CPQ: variants seen among roughly 807,000 people sequenced by gnomAD.
CPQ encodes the protein carboxypeptidase Q.
CPQ carries 37 observed loss-of-function variants against 45.7 expected under a neutral mutation model. That is an observed-to-expected ratio of 0.81 (90% confidence interval 0.62 to 1.07). The LOEUF (loss-of-function observed/expected upper bound fraction) is 1.07. Among genes scored for constraint, CPQ ranks in the 50% least tolerant of loss-of-function variants. The pLI is 0.00. For synonymous variants in CPQ, 186 were observed against 205.8 expected (o/e 0.90, Z 0.82); for missense variants, 537 against 572.9 (o/e 0.94, Z 0.64).
intron 4 of CPQ, among the ~76,000 whole-genome samples, chr8:96,905,931 T>A (rs1812570320): frequency 6.6e-6 from 1 of 152,152 alleles, no homozygotes; most frequent in Non-Finnish European, 1.5e-5. Context: ...TTACATTAAA[T>A]GTTATAAATG....
intron 3 of CPQ, among the ~76,000 whole-genome samples, chr8:96,839,218 C>G (rs930756295): frequency 1.3e-5 from 2 of 151,964 alleles, no homozygotes; most frequent in African/African-American, 4.8e-5. Flanking sequence ...ATATCATCAG[C>G]CATTTTGGGT....
chr8:96,745,921 CT>C (rs1357258079), intron 1 of CPQ, among the ~76,000 whole-genome samples: 5 of 152,136 alleles, frequency 3.3e-5, no homozygotes, highest in Non-Finnish European at 2.9e-5. Flanking sequence ...AGAACAGACG[CT>C]TGGATTAGAT....
chr8:96,829,635 CCT>C (rs1251048370), intron 2 of CPQ, among the ~76,000 whole-genome samples: 5 of 152,110 alleles, frequency 3.3e-5, no homozygotes, highest in Admixed American at 6.6e-5. Context: ...AATGTCCTTC[CCT>C]CATTTTCAGG....
intron 6 of CPQ, among the ~76,000 whole-genome samples, chr8:97,044,353 C>T (rs568847427): frequency 6.6e-6 from 1 of 152,186 alleles, no homozygotes; most frequent in South Asian, 2.1e-4. Flanking sequence ...TTAAGCACTT[C>T]TCTGTATTGG....
At chr8:97,116,563 T>C (rs555734001) in intron 7 of CPQ, among the ~76,000 whole-genome samples, 1 of 152,292 alleles carries the variant, frequency 6.6e-6, no homozygotes, top group Admixed American at 6.5e-5. Context: ...TAAGGCTGCT[T>C]AGTATGTTAG....
intron 2 of CPQ, among the ~76,000 whole-genome samples, chr8:96,797,451 A>G (rs1359902312): frequency 6.6e-6 from 1 of 152,210 alleles, no homozygotes; most frequent in Non-Finnish European, 1.5e-5. Flanking sequence ...GTTATATAGT[A>G]CAAGTAACAC....
At chr8:96,843,714 T>C (rs996412876) in intron 3 of CPQ, among the ~76,000 whole-genome samples, 5 of 152,218 alleles carry the variant, frequency 3.3e-5, no homozygotes, top group East Asian at 1.9e-4. Flanking sequence ...TTCTCTAACA[T>C]GTAAATTCAA....
At chr8:96,912,994 C>T (rs1030358174) in intron 4 of CPQ, among the ~76,000 whole-genome samples, 1 of 152,142 alleles carries the variant, frequency 6.6e-6, no homozygotes, top group African/African-American at 2.4e-5. Flanking sequence ...CTGTGTTATC[C>T]TCTTTCTCCT....
chr8:96,992,764 A>G (rs1809117222), intron 5 of CPQ, among the ~76,000 whole-genome samples: 1 of 152,182 alleles, frequency 6.6e-6, no homozygotes, highest in South Asian at 2.1e-4. Flanking sequence ...TCTGTTTTCC[A>G]TAAATTAACC....
intron 1 of CPQ, among the ~76,000 whole-genome samples, chr8:96,666,717 G>T (rs1243177981): frequency 6.6e-6 from 1 of 152,196 alleles, no homozygotes; most frequent in African/African-American, 2.4e-5. Flanking sequence ...AGAGGCTAAG[G>T]ATTTTTATTT....
At chr8:97,048,228 G>A (rs753310756) in intron 6 of CPQ, among the ~76,000 whole-genome samples, 3 of 152,152 alleles carry the variant, frequency 2.0e-5, no homozygotes, top group East Asian at 1.9e-4. Flanking sequence ...TAGAAGATTG[G>A]AGGAGCAATT....
intron 4 of CPQ, among the ~76,000 whole-genome samples, chr8:96,958,533 T>C (rs953895207): frequency 6.6e-6 from 1 of 152,188 alleles, no homozygotes; most frequent in Non-Finnish European, 1.5e-5. Flanking sequence ...TTTCCTTCCA[T>C]AGACATTCTC....
rs191401324 is a variant in CPQ, at chr8:96,745,265, A to T, written c.-34-39599A>T. On this transcript the variant is annotated intron_variant, in intron 1 of 7. Transcript: ENST00000220763. The stretch of plus-strand genomic sequence containing the variant: ...GGAGGTTGCCGTGAGCTGAGATCAC[A>T]CCATTGCACTCCAGCCTGGGCGACA... Among the ~76,000 whole-genome samples the T allele has an allele frequency of 1.8e-3, 279 of 152,006 alleles. 2 individuals are homozygous for T. Among genetic ancestry groups the T allele is most frequent in the African/African-American group, 6.3e-3 (260 of 41,490 alleles).
At chr8:97,086,090 A>T (rs1811036535) in intron 7 of CPQ, among the ~76,000 whole-genome samples, 1 of 152,174 alleles carries the variant, frequency 6.6e-6, no homozygotes, top group Admixed American at 6.6e-5. Context: ...GTTTCCTATT[A>T]AACTCAAGGA....
At chr8:97,031,020 TG>T in intron 6 of CPQ, among the ~76,000 whole-genome samples, 1 of 151,870 alleles carries the variant, frequency 6.6e-6, no homozygotes, top group South Asian at 2.1e-4. Context: ...GGTAGGAGGG[TG>T]GAACAGAGAC....
chr8:97,097,099 C>G (rs1242033412), intron 7 of CPQ, among the ~76,000 whole-genome samples: 1 of 152,218 alleles, frequency 6.6e-6, no homozygotes. Flanking sequence ...TAGAAAGCAG[C>G]TCAGTGAACT....
intron 5 of CPQ, among the ~76,000 whole-genome samples, chr8:96,979,819 T>A (rs895442555): frequency 1.3e-5 from 2 of 152,206 alleles, no homozygotes; most frequent in African/African-American, 4.8e-5. Flanking sequence ...GGAAGTTGAT[T>A]ATTATAAGAG....
At chr8:96,698,367 A>C (rs1373790342) in intron 1 of CPQ, among the ~76,000 whole-genome samples, 1 of 152,188 alleles carries the variant, frequency 6.6e-6, no homozygotes, top group African/African-American at 2.4e-5. Flanking sequence ...TTAAAGACTT[A>C]AATCTAAGAC....
At chr8:96,875,335 C>A (rs567647747) in intron 3 of CPQ, among the ~76,000 whole-genome samples, 1 of 151,832 alleles carries the variant, frequency 6.6e-6, no homozygotes, top group South Asian at 2.1e-4. Context: ...TTGATGGTTC[C>A]ATTTATCTAT....
Sources: allele counts gnomAD v4.1 joint callset (sites outside exome capture counted in the v4.1 genomes callset), GRCh38; gene constraint gnomAD v4.1.1; transcripts MANE v1.5; gene names NCBI Gene and HGNC (gene_info 2026-07-23, HGNC 2026-07-21).